Variants in SMIM24 observed in about 807,000 individuals in gnomAD.
SMIM24 encodes the protein small integral membrane protein 24, also known as MAP17-related dimer.
A neutral mutation model predicts 10.8 loss-of-function variants in SMIM24; 6 were observed. The ratio of observed to expected loss-of-function variants is 0.55; its 90% CI spans 0.30 to 1.09. The LOEUF (loss-of-function observed/expected upper bound fraction) is 1.09. Among genes scored for constraint, SMIM24 ranks in the 50% least tolerant of loss-of-function variants. SMIM24 has a pLI of 0.06. For synonymous variants in SMIM24, 71 were observed against 62.4 expected, an observed-to-expected ratio of 1.14 and a Z score of -0.65; for missense variants, 151 against 153.4, an observed-to-expected ratio of 0.98 and a Z score of 0.08.
rs2082787492 is a variant in SMIM24 at position 3,475,125 on chromosome 19, C to T, written c.240-129G>A. On this transcript the variant is annotated intron_variant, in intron 3 of 3. Coordinates refer to ENST00000215531, the MANE Select transcript of SMIM24 (RefSeq NM_001136503.2). ...TATCTCAGTGAATCTTCAAAATAAC[C>T]CTAACTACGCGGCCTCACGATTTCC... 3.7e-6 allele frequency: 4 copies of T among 1,093,580 alleles called. No individual in the cohort carries two copies. In the Admixed American group the frequency reaches 8.3e-5, roughly 23 times the overall value. The allele number at this position is 1,093,580 out of a possible 1,614,324, so 67.7% of individuals were successfully genotyped here.
intron 1 of SMIM24, among the ~76,000 whole-genome samples, chr19:3,479,721 C>A: frequency 1.1e-5 from 1 of 94,628 alleles, no homozygotes; most frequent in Non-Finnish European, 2.0e-5. Context: ...AACTAGGGGG[C>A]TCAGAGTGGG....
intron 3 of SMIM24, among the ~76,000 whole-genome samples, chr19:3,475,486 G>T (rs2082788716): frequency 6.6e-6 from 1 of 150,732 alleles, no homozygotes; most frequent in African/African-American, 2.4e-5. Context: ...ATGGATGACT[G>T]GATGAACGGG....
At chr19:3,479,165 C>T (rs1322830144) in intron 1 of SMIM24, 1 of 377,114 alleles carries the variant, frequency 2.7e-6, no homozygotes, top group South Asian at 6.8e-5. Flanking sequence ...AGGGGAGGGG[C>T]TTATAAAAGA....
In SMIM24 at chr19:3,478,926, G is replaced by C. The variant is rs1216209805; in HGVS notation, c.71C>G (p.Thr24Arg). The stretch of plus-strand genomic sequence containing the variant: ...CAGCCACGGCTTCAGGCGATGCTCC[G>C]TGGCTGCAGGAAGTTGGGGAGGTTC... ...LLSPVEAQQA[T>R]EHRLKPWLVG... The change falls in exon 2 of 4, where the codon ACG becomes AGG. Residue 24 changes from threonine to arginine, a missense_variant. Thr to Arg is a moderately conservative substitution (Grantham distance 71). Transcript: ENST00000215531. 1.7e-5 allele frequency: 27 copies of C among 1,549,470 alleles called. No individual in the cohort carries two copies. The highest frequency in any genetic ancestry group is 2.4e-5 in the Non-Finnish European group (27 of 1,146,508).
intron 3 of SMIM24, among the ~76,000 whole-genome samples, chr19:3,475,549 T>G (rs2082788998): frequency 7.0e-6 from 1 of 143,540 alleles, no homozygotes; most frequent in Middle Eastern, 3.4e-3. Context: ...GGTGGGTGGG[T>G]GGATAGATGG....
At chr19:3,480,043 A>C (rs967103685) in intron 1 of SMIM24, among the ~76,000 whole-genome samples, 6 of 148,910 alleles carry the variant, frequency 4.0e-5, no homozygotes, top group Non-Finnish European at 3.0e-5. Context: ...AAGGAGGAGG[A>C]GTGAGAAGGA....
chr19:3,478,570 C>A, intron 2 of SMIM24, 92 bp from the exon 3 acceptor site: 1 of 1,212,058 alleles, frequency 8.3e-7, no homozygotes, highest in Non-Finnish European at 1.1e-6. Context: ...CAGCCTCTGT[C>A]CCAACCTCCC....
intron 3 of SMIM24, among the ~76,000 whole-genome samples, chr19:3,476,403 T>C (rs1449681316): frequency 6.6e-6 from 1 of 151,694 alleles, no homozygotes; most frequent in Non-Finnish European, 1.5e-5. Context: ...GGTGGACTGA[T>C]GGATGGGTGG....
chr19:3,480,323 G>T, intron 1 of SMIM24, 74 bp downstream of exon 1: 1 of 1,339,120 alleles, frequency 7.5e-7, no homozygotes, highest in Non-Finnish European at 1.0e-6. Context: ...TCTCGCCATG[G>T]AAAATTGGGA....
intron 3 of SMIM24, among the ~76,000 whole-genome samples, chr19:3,475,327 C>T (rs1398653426): frequency 6.6e-6 from 1 of 152,056 alleles, no homozygotes. Context: ...TGGAGGTTCA[C>T]ACTGCATATC....
Position 3,478,394 on chromosome 19 carries a change from C to A in SMIM24, c.239+25G>T, listed in dbSNP as rs192284606. The A allele has an allele frequency of 6.5e-5, 101 of 1,543,292 alleles. 1 individual carries two copies. The Admixed American group carries it at 9.0e-4, about 14-fold the overall frequency. On this transcript the variant is annotated intron_variant, in intron 3 of 3. Coordinates refer to ENST00000215531, the MANE Select transcript of SMIM24 (RefSeq NM_001136503.2). ...CACCCCGAGGAGGGGTTCACACAGACCCCCAGCATCCGCACGCATAGTACC... is the reference window on the plus strand; with the variant it reads ...CACCCCGAGGAGGGGTTCACACAGAACCCCAGCATCCGCACGCATAGTACC...
At position 3,478,459 on chromosome 19, in the gene SMIM24, TCTC is replaced by T. The variant is rs1175700111; in HGVS notation, c.196_198del (p.Glu66del). On this transcript the variant is annotated inframe_deletion, in exon 3 of 4. Transcript: ENST00000215531. ...AGGTTGGACTCCATTCTGAACGTGG[TCTC>T]CTCCTCGTCCTCAGCCCTGCAGAGA... 2.6e-6 allele frequency: 4 copies of T among 1,548,150 alleles called. No individual in the cohort carries two copies. In the Admixed American group the frequency reaches 7.9e-5, roughly 31 times the overall value.
intron 2 of SMIM24, 114 bp downstream of exon 2, chr19:3,478,704 G>T: frequency 1.1e-6 from 1 of 923,062 alleles, no homozygotes; most frequent in Non-Finnish European, 1.6e-6. Flanking sequence ...AGGAGCAGCA[G>T]GGAAATGGGA....
intron 2 of SMIM24, 77 bp downstream of exon 2, chr19:3,478,741 G>A (rs940713171): frequency 1.0e-5 from 12 of 1,168,752 alleles, no homozygotes; most frequent in Middle Eastern, 2.8e-4. Context: ...GGCTGGTGAT[G>A]GGGGTACCAG....
intron 1 of SMIM24, among the ~76,000 whole-genome samples, chr19:3,479,422 T>G (rs2082807675): frequency 8.0e-6 from 1 of 124,236 alleles, no homozygotes; most frequent in Non-Finnish European, 1.6e-5. Flanking sequence ...GGTTGGGGCT[T>G]ACAACAGAGG....
chr19:3,479,039 AG>A, intron 1 of SMIM24, 110 bp from the exon 2 acceptor site: 2 of 751,282 alleles, frequency 2.7e-6, no homozygotes, highest in Non-Finnish European at 4.2e-6. Context: ...GCTCCGACAG[AG>A]GGGGTATTGG....
intron 1 of SMIM24, among the ~76,000 whole-genome samples, chr19:3,479,789 T>C (rs1316699151): frequency 6.9e-3 from 429 of 62,544 alleles, no homozygotes; most frequent in Admixed American, 0.011. Flanking sequence ...AAGGAGGAGC[T>C]CAGAGGGGAG....
chr19:3,477,268 G>GGGGA (rs2082796777), intron 3 of SMIM24, among the ~76,000 whole-genome samples: 1 of 74,582 alleles, frequency 1.3e-5, no homozygotes, highest in African/African-American at 5.5e-5. Context: ...GGATGGGTGA[G>GGGGA]TGGATGGATG....
chr19:3,475,864 G>T (rs886393444), intron 3 of SMIM24, among the ~76,000 whole-genome samples: 1 of 151,280 alleles, frequency 6.6e-6, no homozygotes, highest in Non-Finnish European at 1.5e-5. Flanking sequence ...AGATGGATGG[G>T]TGGATGGATG....
Sources: allele counts gnomAD v4.1 joint callset (sites outside exome capture counted in the v4.1 genomes callset), GRCh38; gene constraint gnomAD v4.1.1; transcripts MANE v1.5; gene names NCBI Gene and HGNC (gene_info 2026-07-23, HGNC 2026-07-21).